The following ASTN2 variants were observed in gnomAD, a reference collection of about 807,000 sequenced individuals.
ASTN2 encodes astrotactin-2.
Under a neutral mutation model 139.8 loss-of-function variants are expected in ASTN2, and 54 were observed. That is an observed-to-expected ratio of 0.39 (90% CI 0.31 to 0.48). The LOEUF (loss-of-function observed/expected upper bound fraction) is 0.48. Ranked by LOEUF, ASTN2 falls within the 20% of genes least tolerant of loss-of-function variation. The pLI is 0.95. For missense variants in ASTN2, 1,565 were observed against 1,725.1 expected (o/e 0.91, Z 1.64); for synonymous variants, 756 against 719.5 (o/e 1.05, Z -0.81).
At chr9:116,823,931 G>A (rs901589848) in intron 11 of ASTN2, among the ~76,000 whole-genome samples, 2 of 152,142 alleles carry the variant, frequency 1.3e-5, no homozygotes, top group Admixed American at 6.5e-5. Flanking sequence ...TATATTATTA[G>A]TATTTCAATT....
At chr9:117,319,340 A>C (rs938217828) in intron 1 of ASTN2, among the ~76,000 whole-genome samples, 2 of 152,188 alleles carry the variant, frequency 1.3e-5, no homozygotes, top group African/African-American at 2.4e-5. Context: ...CCACTTAATA[A>C]TTGTATGAAT....
chr9:117,353,502 G>A (rs550661809), intron 1 of ASTN2, among the ~76,000 whole-genome samples: 15 of 152,230 alleles, frequency 9.9e-5, no homozygotes, highest in South Asian at 8.3e-4. Context: ...GGGTAGCACA[G>A]GTTAAACTGA....
chr9:116,716,998 C>T (rs1460274803), intron 16 of ASTN2, among the ~76,000 whole-genome samples: 1 of 152,226 alleles, frequency 6.6e-6, no homozygotes, highest in Non-Finnish European at 1.5e-5. Flanking sequence ...CCAACACCAA[C>T]TCCGTGATTA....
chr9:116,876,112 G>A (rs1318953921), intron 10 of ASTN2, among the ~76,000 whole-genome samples: 2 of 152,298 alleles, frequency 1.3e-5, no homozygotes, highest in Middle Eastern at 3.4e-3. Context: ...TAGATGCCAT[G>A]AGAAAAATTT....
intron 10 of ASTN2, among the ~76,000 whole-genome samples, chr9:116,878,393 C>T (rs919561612): frequency 6.6e-6 from 1 of 152,174 alleles, no homozygotes; most frequent in South Asian, 2.1e-4. Flanking sequence ...AGGTCATGTC[C>T]TTTGCAGGGG....
At chr9:117,129,017 G>A (rs372249846) in intron 4 of ASTN2, among the ~76,000 whole-genome samples, 29 of 152,254 alleles carry the variant, frequency 1.9e-4, no homozygotes, top group South Asian at 1.9e-3. Flanking sequence ...TGGAAATCAC[G>A]GGAGTACAAT....
intron 1 of ASTN2, among the ~76,000 whole-genome samples, chr9:117,297,727 T>C (rs1055752278): frequency 6.6e-6 from 1 of 152,184 alleles, no homozygotes; most frequent in African/African-American, 2.4e-5. Flanking sequence ...GCCATAGCTG[T>C]AGGAAAGGGC....
At chr9:116,735,291 T>C (rs917633019) in intron 13 of ASTN2, among the ~76,000 whole-genome samples, 13 of 152,188 alleles carry the variant, frequency 8.5e-5, no homozygotes, top group African/African-American at 3.1e-4. Context: ...ACCTAGATGG[T>C]TGGTCTTTGT....
chr9:116,544,830 C>T (rs2119370692), intron 19 of ASTN2, among the ~76,000 whole-genome samples: 1 of 152,280 alleles, frequency 6.6e-6, no homozygotes, highest in Non-Finnish European at 1.5e-5. Flanking sequence ...ATTTTTGTGG[C>T]TGTTTTAAGG....
At chr9:116,579,904 C>G (rs1032410225) in intron 19 of ASTN2, among the ~76,000 whole-genome samples, 1 of 152,146 alleles carries the variant, frequency 6.6e-6, no homozygotes, top group African/African-American at 2.4e-5. Flanking sequence ...TCACTGCAAC[C>G]TCCGCCTCCT....
intron 3 of ASTN2, among the ~76,000 whole-genome samples, chr9:117,178,342 G>A (rs1401921788): frequency 6.6e-6 from 1 of 152,192 alleles, no homozygotes; most frequent in Non-Finnish European, 1.5e-5. Context: ...GACACTCAAT[G>A]AGTGTCAGTG....
chr9:116,943,346 T>C (rs532150006), intron 10 of ASTN2, among the ~76,000 whole-genome samples: 1 of 152,292 alleles, frequency 6.6e-6, no homozygotes, highest in African/African-American at 2.4e-5. Context: ...TCATTCCTAC[T>C]GCTAGCACCT....
chr9:116,429,297 C>T (rs1175074748), intron 22 of ASTN2, among the ~76,000 whole-genome samples: 2 of 138,482 alleles, frequency 1.4e-5, no homozygotes, highest in East Asian at 4.3e-4. Context: ...CAAGATCGTG[C>T]CATTGCACTC....
chr9:116,565,685 G>T (rs1302061409), intron 19 of ASTN2, among the ~76,000 whole-genome samples: 11 of 151,740 alleles, frequency 7.2e-5, no homozygotes, highest in African/African-American at 1.2e-4. Flanking sequence ...GTCTCGCCAT[G>T]TTGTCCAGGC....
intron 1 of ASTN2, among the ~76,000 whole-genome samples, chr9:117,370,078 C>T (rs960730812): frequency 2.6e-5 from 4 of 152,120 alleles, no homozygotes; most frequent in African/African-American, 7.2e-5. Flanking sequence ...CTATTAACCC[C>T]ACTTGGAAGC....
At chr9:117,102,228 A>G (rs1828995842) in intron 4 of ASTN2, among the ~76,000 whole-genome samples, 1 of 152,222 alleles carries the variant, frequency 6.6e-6, no homozygotes, top group Non-Finnish European at 1.5e-5. Flanking sequence ...ACATGCTACA[A>G]TGTGGATGAA....
At chr9:116,518,251 T>A (rs527693719) in intron 19 of ASTN2, among the ~76,000 whole-genome samples, 2 of 152,232 alleles carry the variant, frequency 1.3e-5, no homozygotes, top group East Asian at 3.9e-4. Context: ...TTCAGAGCTG[T>A]GAGGCAAAAA....
At chr9:116,810,409 C>A (rs553187496) in intron 12 of ASTN2, among the ~76,000 whole-genome samples, 1 of 152,268 alleles carries the variant, frequency 6.6e-6, no homozygotes, top group South Asian at 2.1e-4. Context: ...TGACCTCGGA[C>A]AAACTACTTA....
At chr9:116,653,651 C>A (rs1407866650) in intron 16 of ASTN2, among the ~76,000 whole-genome samples, 2 of 152,212 alleles carry the variant, frequency 1.3e-5, no homozygotes, top group Non-Finnish European at 1.5e-5. Flanking sequence ...AGGGGCCCTG[C>A]GCCCTGATGT....
Sources: allele counts gnomAD v4.1 joint callset (sites outside exome capture counted in the v4.1 genomes callset), GRCh38; gene constraint gnomAD v4.1.1; transcripts MANE v1.5; gene names NCBI Gene and HGNC (gene_info 2026-07-23, HGNC 2026-07-21).